Variants in DPH6 observed in about 807,000 individuals in gnomAD.
DPH6 encodes the protein diphthine--ammonia ligase.
In DPH6, 33 loss-of-function variants were observed where a neutral mutation model predicts 38.2. The observed-to-expected ratio is 0.86, with a 90% CI of 0.65 to 1.15. The LOEUF (loss-of-function observed/expected upper bound fraction) is 1.15. Among genes scored for constraint, DPH6 ranks in the 50% most tolerant of loss-of-function variants. The probability of loss-of-function intolerance (pLI) is 0.00; values close to 1 mark genes in which losing one functional copy is unlikely to be tolerated. For missense variants in DPH6, 325 were observed against 320.0 expected (o/e 1.02, Z -0.12); for synonymous variants, 108 against 103.0 (o/e 1.05, Z -0.30).
intron 3 of DPH6, among the ~76,000 whole-genome samples, chr15:35,496,567 A>AAATAT: frequency 9.7e-5 from 3 of 31,014 alleles, no homozygotes; most frequent in Admixed American, 4.7e-4. Context: ...AAAAAAAAAA[A>AAATAT]ATATATATAT....
At chr15:35,274,703 C>T (rs560713634) in intron 3 of DPH6, among the ~76,000 whole-genome samples, 25 of 151,950 alleles carry the variant, frequency 1.6e-4, no homozygotes, top group East Asian at 5.8e-4. Context: ...TACCATCTCA[C>T]GCCAGTTAGA....
At chr15:35,249,406 T>C (rs2140407868) in intron 3 of DPH6, among the ~76,000 whole-genome samples, 1 of 152,342 alleles carries the variant, frequency 6.6e-6, no homozygotes, top group South Asian at 2.1e-4. Context: ...CATTTTCTTT[T>C]CAAAGCATAA....
chr15:35,292,862 A>G (rs2051989258), intron 3 of DPH6, among the ~76,000 whole-genome samples: 1 of 152,234 alleles, frequency 6.6e-6, no homozygotes, highest in African/African-American at 2.4e-5. Flanking sequence ...ATCTGTCGTA[A>G]TATGTTTACT....
intron 2 of DPH6, among the ~76,000 whole-genome samples, chr15:35,541,859 T>C (rs1208978456): frequency 1.3e-5 from 2 of 152,164 alleles, no homozygotes; most frequent in African/African-American, 4.8e-5. Flanking sequence ...CTGTGAATTA[T>C]ATGTGGATGC....
chr15:35,207,841 A>G, the DPH6 span, among the ~76,000 whole-genome samples: 2 of 152,196 alleles, frequency 1.3e-5, no homozygotes, highest in East Asian at 3.8e-4. Flanking sequence ...CTTGACATTA[A>G]CTAAACTGGA....
intron 3 of DPH6, among the ~76,000 whole-genome samples, chr15:35,512,630 T>C (rs1048454936): frequency 2.6e-5 from 4 of 152,022 alleles, no homozygotes; most frequent in Non-Finnish European, 4.4e-5. Flanking sequence ...CCAAGAAGAA[T>C]ATGCAGTCAA....
chr15:35,522,626 T>C (rs1441552083), intron 3 of DPH6, among the ~76,000 whole-genome samples: 2 of 152,164 alleles, frequency 1.3e-5, no homozygotes, highest in Non-Finnish European at 2.9e-5. Context: ...ATCCTGTTGA[T>C]TTGATAATCA....
chr15:35,161,944 C>T, the DPH6 span, among the ~76,000 whole-genome samples: 1 of 151,886 alleles, frequency 6.6e-6, no homozygotes, highest in African/African-American at 2.4e-5. Context: ...CCTCAGGTTA[C>T]CCCATTTTGA....
chr15:35,151,350 CTT>C, the DPH6 span, among the ~76,000 whole-genome samples: 1 of 152,162 alleles, frequency 6.6e-6, no homozygotes, highest in South Asian at 2.1e-4. Flanking sequence ...GACTGAGAGT[CTT>C]TATTTTTAAC....
intron 3 of DPH6, among the ~76,000 whole-genome samples, chr15:35,248,578 C>T (rs1206434842): frequency 6.6e-6 from 1 of 152,194 alleles, no homozygotes; most frequent in Non-Finnish European, 1.5e-5. Context: ...AGATCTAAAG[C>T]ACCCATGCAT....
At chr15:35,498,369 C>T (rs2054583762) in intron 3 of DPH6, among the ~76,000 whole-genome samples, 1 of 152,160 alleles carries the variant, frequency 6.6e-6, no homozygotes, top group African/African-American at 2.4e-5. Flanking sequence ...TTCCTCCTTA[C>T]TGTCAGTTTT....
At chr15:35,206,271 C>T in the DPH6 span, among the ~76,000 whole-genome samples, 1 of 152,034 alleles carries the variant, frequency 6.6e-6, no homozygotes. Context: ...GGATACTACA[C>T]CAGCGTTAAC....
intron 3 of DPH6, among the ~76,000 whole-genome samples, chr15:35,494,887 T>C (rs974110711): frequency 1.3e-5 from 2 of 152,094 alleles, no homozygotes; most frequent in East Asian, 1.9e-4. Flanking sequence ...ACCATACTTA[T>C]TGGTAAAATA....
chr15:35,495,997 G>T (rs1458403693), intron 3 of DPH6, among the ~76,000 whole-genome samples: 1 of 151,966 alleles, frequency 6.6e-6, no homozygotes, highest in East Asian at 1.9e-4. Context: ...TATCCCTATG[G>T]GGAAAAAAAT....
chr15:35,394,287 C>G (rs561771358), intron 6 of DPH6, among the ~76,000 whole-genome samples: 55 of 152,204 alleles, frequency 3.6e-4, no homozygotes, highest in African/African-American at 1.3e-3. Flanking sequence ...ATATTATCAT[C>G]TTATTTAATA....
chr15:35,273,309 T>C (rs1360244873), intron 3 of DPH6, among the ~76,000 whole-genome samples: 1 of 152,124 alleles, frequency 6.6e-6, no homozygotes, highest in African/African-American at 2.4e-5. Flanking sequence ...TTCTCACGCT[T>C]TCCTGAGTCC....
chr15:35,175,825 A>G, the DPH6 span, among the ~76,000 whole-genome samples: 14 of 152,356 alleles, frequency 9.2e-5, no homozygotes, highest in East Asian at 2.3e-3. Flanking sequence ...AAGATGAAAT[A>G]GTGAAGCTTT....
intron 3 of DPH6, among the ~76,000 whole-genome samples, chr15:35,342,769 A>C (rs2052431934): frequency 6.6e-6 from 1 of 152,214 alleles, no homozygotes; most frequent in Non-Finnish European, 1.5e-5. Context: ...GAATTTAGAA[A>C]ACTAAGGTAA....
intron 3 of DPH6, among the ~76,000 whole-genome samples, chr15:35,226,415 G>C (rs1179100977): frequency 1.3e-5 from 2 of 151,864 alleles, no homozygotes; most frequent in Admixed American, 1.3e-4. Context: ...GGTAATAGAG[G>C]AAAGTTTCCA....
Sources: gnomAD v4.1 joint callset for allele counts (sites outside exome capture counted in the v4.1 genomes callset) on GRCh38, gnomAD v4.1.1 for gene constraint, MANE v1.5 for transcripts, NCBI Gene and HGNC (gene_info 2026-07-23, HGNC 2026-07-21) for gene names.